The following ATF7IP variants were observed in gnomAD, a reference collection of about 807,000 sequenced individuals.
ATF7IP encodes the protein activating transcription factor 7 interacting protein.
Under a neutral mutation model 106.4 loss-of-function variants are expected in ATF7IP, and 23 were observed. The observed-to-expected ratio is 0.22, with a 90% CI of 0.16 to 0.31. The LOEUF (loss-of-function observed/expected upper bound fraction) is 0.31. Among genes scored for constraint, ATF7IP ranks in the 10% least tolerant of loss-of-function variants. The pLI is 1.00. For synonymous variants in ATF7IP, 542 were observed against 539.0 expected (o/e 1.01, Z -0.08); for missense variants, 1,334 against 1,524.3 (o/e 0.88, Z 2.08).
At chr12:14,377,402 C>G (rs1304435993) in intron 1 of ATF7IP, among the ~76,000 whole-genome samples, 1 of 150,272 alleles carries the variant, frequency 6.7e-6, no homozygotes, top group Admixed American at 6.6e-5. Context: ...GTCGCCCAGG[C>G]TGGAATGCAG....
chr12:14,459,340 A>G (rs1011709766), intron 8 of ATF7IP, among the ~76,000 whole-genome samples: 3 of 152,168 alleles, frequency 2.0e-5, no homozygotes, highest in South Asian at 2.1e-4. Flanking sequence ...TGTACTGCCT[A>G]TTTCTTCACA....
At chr12:14,481,324 G>T in intron 13 of ATF7IP, 139 bp downstream of exon 13, 1 of 710,586 alleles carries the variant, frequency 1.4e-6, no homozygotes, top group South Asian at 1.9e-5. Context: ...AAGTTCAAGA[G>T]ATCTGTACTA....
At chr12:14,428,867 T>C (rs1941993752) in intron 2 of ATF7IP, among the ~76,000 whole-genome samples, 1 of 152,212 alleles carries the variant, frequency 6.6e-6, no homozygotes, top group Admixed American at 6.5e-5. Flanking sequence ...GTGTTGCATA[T>C]ATACCTTAAT....
At chr12:14,465,186 C>T (rs1177796909) in intron 9 of ATF7IP, among the ~76,000 whole-genome samples, 1 of 151,366 alleles carries the variant, frequency 6.6e-6, no homozygotes, top group East Asian at 1.9e-4. Flanking sequence ...TGCACTCTCG[C>T]CTGGGTGACA....
At chr12:14,367,566 A>G (rs980237648) in intron 1 of ATF7IP, 4 of 152,120 alleles carry the variant, frequency 2.6e-5, no homozygotes, top group African/African-American at 9.7e-5. Context: ...TCGGTTAACA[A>G]AAGAACTTTG....
At chr12:14,472,898 G>T (rs1238545424) in intron 10 of ATF7IP, among the ~76,000 whole-genome samples, 1 of 152,034 alleles carries the variant, frequency 6.6e-6, no homozygotes, top group Non-Finnish European at 1.5e-5. Flanking sequence ...ACAAAGACGA[G>T]GTTTAATTGG....
intron 2 of ATF7IP, among the ~76,000 whole-genome samples, chr12:14,432,269 G>A (rs114687603): frequency 0.016 from 2,363 of 152,312 alleles, 24 homozygotes; most frequent in Non-Finnish European, 0.019. Context: ...TTCATCTCAA[G>A]CATCCCAGTT....
At chr12:14,444,401 T>C (rs1272086912) in intron 5 of ATF7IP, among the ~76,000 whole-genome samples, 1 of 152,060 alleles carries the variant, frequency 6.6e-6, no homozygotes, top group African/African-American at 2.4e-5. Flanking sequence ...GTAGACAGAG[T>C]TATTTCCTAA....
chr12:14,415,909 T>C (rs149921375), intron 1 of ATF7IP, among the ~76,000 whole-genome samples: 42 of 152,236 alleles, frequency 2.8e-4, no homozygotes, highest in African/African-American at 9.6e-4. Context: ...GACTTGAACA[T>C]TGTCAGATTT....
chr12:14,401,264 C>T lies in ATF7IP; in HGVS notation c.-7-22645C>T, dbSNP rs146976077. Among the ~76,000 whole-genome samples the T allele has an allele frequency of 4.4e-4, 60 of 137,208 alleles. No homozygotes were observed. In the East Asian group the frequency reaches 0.011, roughly 24 times the overall value. 90.0% of individuals were successfully genotyped at this position (137,208 alleles called of 152,430 possible). A position where few individuals can be genotyped will look rare whatever the true frequency, so the allele number is the denominator to read the frequency against. On this transcript the variant is annotated intron_variant, in intron 1 of 14. Coordinates refer to ENST00000261168, the MANE Select transcript of ATF7IP (RefSeq NM_018179.5). Reference sequence around the variant, plus strand: ...AGGTTGGAATATAGTCGTGTGATCTCGGCTCACTGCAACCTCCGCCTCCTG... The same window carrying T: ...AGGTTGGAATATAGTCGTGTGATCTTGGCTCACTGCAACCTCCGCCTCCTG...
chr12:14,418,090 G>A (rs1252887346), intron 1 of ATF7IP, among the ~76,000 whole-genome samples: 5 of 151,776 alleles, frequency 3.3e-5, no homozygotes, highest in African/African-American at 1.2e-4. Context: ...GAAGAAGCTC[G>A]TTGGGCTTTC....
intron 1 of ATF7IP, among the ~76,000 whole-genome samples, chr12:14,366,141 AT>A (rs1254793262): frequency 6.6e-6 from 1 of 152,218 alleles, no homozygotes; most frequent in Non-Finnish European, 1.5e-5. Flanking sequence ...TTAACCTTAA[AT>A]TCTCACAATT....
At chr12:14,415,722 C>CTTTTTTTTTT in intron 1 of ATF7IP, among the ~76,000 whole-genome samples, 1 of 146,404 alleles carries the variant, frequency 6.8e-6, no homozygotes. Flanking sequence ...GGCAGGATAG[C>CTTTTTTTTTT]TAGTGACAGT....
chr12:14,435,608 A>G (rs1035561399), intron 3 of ATF7IP, among the ~76,000 whole-genome samples: 1 of 152,216 alleles, frequency 6.6e-6, no homozygotes, highest in Admixed American at 6.5e-5. Flanking sequence ...ATTCATTAGG[A>G]TATGTTAAGA....
At chr12:14,478,107 T>C (rs577167075) in intron 11 of ATF7IP, among the ~76,000 whole-genome samples, 1 of 152,328 alleles carries the variant, frequency 6.6e-6, no homozygotes, top group African/African-American at 2.4e-5. Flanking sequence ...AATTTGAATC[T>C]GTGATAGAAC....
At chr12:14,446,048 T>C (rs984596063) in intron 5 of ATF7IP, among the ~76,000 whole-genome samples, 1 of 152,174 alleles carries the variant, frequency 6.6e-6, no homozygotes, top group Admixed American at 6.5e-5. Context: ...CAATATGTAT[T>C]TGGGCAAAAT....
At chr12:14,438,555 T>C (rs1228035068) in intron 5 of ATF7IP, among the ~76,000 whole-genome samples, 4 of 152,230 alleles carry the variant, frequency 2.6e-5, no homozygotes, top group Non-Finnish European at 5.9e-5. Context: ...GAATCTGTTC[T>C]ATGCCTTTAC....
intron 2 of ATF7IP, among the ~76,000 whole-genome samples, chr12:14,427,289 A>C (rs183351309): frequency 2.6e-5 from 4 of 151,808 alleles, no homozygotes; most frequent in African/African-American, 9.7e-5. Context: ...CACTTGGCAA[A>C]ATTTTAATTT....
rs867703102 is a variant in ATF7IP at position 14,436,112 on chromosome 12, T to G, written c.1652T>G (p.Phe551Cys). The change falls in exon 4 of 15, where the codon TTT becomes TGT. Residue 551 changes from phenylalanine to cysteine, a missense_variant. Physicochemically the swap from Phe to Cys is radical, Grantham distance 205. This residue lies in a region of ATF7IP where 119 missense variants were observed against 117.8 expected (regional missense o/e 1.01). Transcript: ENST00000261168. ...DDERPSEKNEFSRRKRSKSED... is the reference protein window; with the variant it reads ...DDERPSEKNECSRRKRSKSED... ...TTGTGGTTTTCCTTCTCAGATGAATTTTCTAGACGAAAACGTTCTAAATCA... is the reference window on the plus strand; with the variant it reads ...TTGTGGTTTTCCTTCTCAGATGAATGTTCTAGACGAAAACGTTCTAAATCA... 6.2e-7 allele frequency: 1 copy of G among 1,612,638 alleles called. No homozygotes were observed.
Sources: gnomAD v4.1 joint callset for allele counts (sites outside exome capture counted in the v4.1 genomes callset) on GRCh38, gnomAD v4.1.1 for gene constraint, gnomAD v4.1.1 regional missense constraint, MANE v1.5 for transcripts, NCBI Gene and HGNC (gene_info 2026-07-23, HGNC 2026-07-21) for gene names.